Variants in RPH3A observed in about 807,000 individuals in gnomAD.
RPH3A encodes the protein rabphilin 3A.
In RPH3A, 48 loss-of-function variants were observed where a neutral mutation model predicts 102.2. The observed-to-expected ratio is 0.47, with a 90% CI of 0.37 to 0.60. The LOEUF is 0.60. RPH3A is among the 20% of genes least tolerant of loss of function. The pLI, the probability that RPH3A is intolerant of heterozygous loss-of-function variation, is 0.00. For missense variants in RPH3A, 781 were observed against 910.1 expected, an observed-to-expected ratio of 0.86 and a Z score of 1.83; for synonymous variants, 310 against 324.3, an observed-to-expected ratio of 0.96 and a Z score of 0.47.
At chr12:112,580,947 G>A (rs541950521) in intron 1 of RPH3A, among the ~76,000 whole-genome samples, 11 of 152,220 alleles carry the variant, frequency 7.2e-5, no homozygotes, top group African/African-American at 2.4e-4. Context: ...TCTTGATACC[G>A]AGTCCACTGC....
At chr12:112,822,300 G>A (rs1047726536) in intron 2 of RPH3A, among the ~76,000 whole-genome samples, 1 of 152,226 alleles carries the variant, frequency 6.6e-6, no homozygotes, top group South Asian at 2.1e-4. Context: ...TGAACTCCAC[G>A]CAGACAGCTG....
chr12:112,652,290 A>G (rs2039979878), intron 1 of RPH3A, among the ~76,000 whole-genome samples: 2 of 152,018 alleles, frequency 1.3e-5, no homozygotes, highest in Non-Finnish European at 2.9e-5. Context: ...AGCCTGGGCA[A>G]CATAGTGAGA....
chr12:112,613,264 G>T (rs1166419680), intron 1 of RPH3A, among the ~76,000 whole-genome samples: 2 of 151,970 alleles, frequency 1.3e-5, no homozygotes, highest in African/African-American at 4.8e-5. Context: ...TTGCGGAGTG[G>T]GCTTTTGGTG....
intron 2 of RPH3A, among the ~76,000 whole-genome samples, chr12:112,800,888 C>T (rs776956631): frequency 3.9e-5 from 6 of 152,072 alleles, no homozygotes; most frequent in African/African-American, 9.7e-5. Context: ...GAGTCAAGGC[C>T]GTTCAGGGAG....
intron 1 of RPH3A, among the ~76,000 whole-genome samples, chr12:112,645,500 CTG>C (rs1263235629): frequency 2.0e-5 from 3 of 152,124 alleles, no homozygotes; most frequent in African/African-American, 7.2e-5. Flanking sequence ...GCACTTACGA[CTG>C]TGTTTTAAGA....
At chr12:112,866,915 T>C (rs2042621176) in intron 7 of RPH3A, 75 bp downstream of exon 7, 1 of 1,175,406 alleles carries the variant, frequency 8.5e-7, no homozygotes, top group South Asian at 1.3e-5. Context: ...CTTAAGAGGT[T>C]TGTATGAAAG....
rs3038114 is a variant in RPH3A at position 112,877,419 on chromosome 12, T to TACAC, written c.1171+590_1171+593dup. Among the ~76,000 whole-genome samples the TACAC allele has an allele frequency of 9.5e-3, 1,345 of 141,642 alleles. 16 individuals are homozygous for TACAC. Among genetic ancestry groups the TACAC allele is most frequent in the African/African-American group, 0.022 (813 of 37,610 alleles). The allele number at this position is 141,642 out of a possible 152,430, so 92.9% of individuals were successfully genotyped here. A position where few individuals can be genotyped will look rare whatever the true frequency, so the allele number is the denominator to read the frequency against. The stretch of plus-strand genomic sequence containing the variant: ...ACACACGTATACACACACACACGTA[T>TACAC]ACACACACACACACACACACACACA... On this transcript the variant is annotated intron_variant, in intron 13 of 21. Coordinates refer to ENST00000389385, the MANE Select transcript of RPH3A (RefSeq NM_001143854.2).
chr12:112,847,721 C>G lies in RPH3A; in HGVS notation c.109C>G (p.Pro37Ala), dbSNP rs1438537700. The G allele has an allele frequency of 6.2e-7, 1 of 1,614,002 alleles. No homozygotes were observed. The highest frequency in any genetic ancestry group is 1.3e-5 in the African/African-American group (1 of 74,910). Residue 37 changes from proline (P) to alanine (A), a missense_variant, in exon 5 of 22, where the codon CCC (proline) becomes GCC (alanine). Coordinates refer to ENST00000389385, the MANE Select transcript of RPH3A (RefSeq NM_001143854.2). ...GCTCCAGGCAGGCTGGTCCGTCCAC[C>G]CCGGTGGTCAGCCTGACAGGCAGAG... ...EQLQAGWSVH[P>A]GGQPDRQRKQ... is the part of the protein sequence containing the mutation.
intron 5 of RPH3A, among the ~76,000 whole-genome samples, chr12:112,859,417 A>G (rs1009435791): frequency 1.3e-5 from 2 of 152,244 alleles, no homozygotes; most frequent in African/African-American, 4.8e-5. Flanking sequence ...AAGAAAGTCA[A>G]GAAAGTATAG....
chr12:112,864,282 CTCT>C (rs2042570511), intron 5 of RPH3A, among the ~76,000 whole-genome samples: 1 of 152,052 alleles, frequency 6.6e-6, no homozygotes, highest in South Asian at 2.1e-4. Flanking sequence ...GAAACCCAGT[CTCT>C]ACTAAAAATA....
intron 4 of RPH3A, among the ~76,000 whole-genome samples, chr12:112,839,400 T>C (rs939116688): frequency 9.9e-5 from 15 of 152,168 alleles, no homozygotes; most frequent in African/African-American, 3.6e-4. Flanking sequence ...CAGTTACTTG[T>C]TCTCAGGGAT....
intron 16 of RPH3A, among the ~76,000 whole-genome samples, chr12:112,884,687 C>T (rs1185611925): frequency 6.6e-6 from 1 of 152,216 alleles, no homozygotes; most frequent in Non-Finnish European, 1.5e-5. Context: ...TTTTACAAGA[C>T]ATGCAAACTG....
At chr12:112,620,904 A>T (rs1031024583) in intron 1 of RPH3A, among the ~76,000 whole-genome samples, 7 of 148,668 alleles carry the variant, frequency 4.7e-5, no homozygotes, top group Admixed American at 6.7e-5. Context: ...ACTTCTTACC[A>T]CCTCCATTGC....
chr12:112,610,756 C>G, intron 1 of RPH3A, among the ~76,000 whole-genome samples: 1 of 151,814 alleles, frequency 6.6e-6, no homozygotes, highest in African/African-American at 2.4e-5. Flanking sequence ...CTCAGCCTCC[C>G]GAGTAGCTAG....
intron 1 of RPH3A, among the ~76,000 whole-genome samples, chr12:112,585,384 G>T (rs184642448): frequency 6.6e-6 from 1 of 152,194 alleles, no homozygotes; most frequent in African/African-American, 2.4e-5. Context: ...TTCACTAAGG[G>T]AGACTTCCCA....
At chr12:112,793,035 A>C (rs965681436) in intron 2 of RPH3A, among the ~76,000 whole-genome samples, 1 of 152,204 alleles carries the variant, frequency 6.6e-6, no homozygotes, top group African/African-American at 2.4e-5. Flanking sequence ...GAGGGGAACA[A>C]AGCTTGTTCA....
At chr12:112,598,606 G>C (rs966302740) in intron 1 of RPH3A, among the ~76,000 whole-genome samples, 7 of 152,158 alleles carry the variant, frequency 4.6e-5, no homozygotes, top group South Asian at 2.1e-4. Context: ...ATCAAGTGTG[G>C]AGACTGAAAA....
chr12:112,682,373 T>C (rs2040233644), intron 1 of RPH3A, among the ~76,000 whole-genome samples: 1 of 128,020 alleles, frequency 7.8e-6, no homozygotes, highest in African/African-American at 2.9e-5. Flanking sequence ...TTTTTTTTTC[T>C]GTTCTTGGAT....
intron 1 of RPH3A, among the ~76,000 whole-genome samples, chr12:112,640,002 A>C (rs2039875294): frequency 6.6e-6 from 1 of 152,080 alleles, no homozygotes; most frequent in Admixed American, 6.6e-5. Context: ...TACAGCTGGG[A>C]AATAGTGGAG....
Sources: gnomAD v4.1 joint callset for allele counts (sites outside exome capture counted in the v4.1 genomes callset) on GRCh38, gnomAD v4.1.1 for gene constraint, MANE v1.5 for transcripts, NCBI Gene and HGNC (gene_info 2026-07-23, HGNC 2026-07-21) for gene names.